The following MAP3K20 variants were observed in gnomAD, a reference collection of about 807,000 sequenced individuals.
MAP3K20 encodes mitogen-activated protein kinase kinase kinase 20.
A neutral mutation model predicts 85.7 loss-of-function variants in MAP3K20; 40 were observed. That is an observed-to-expected ratio of 0.47 (90% confidence interval 0.36 to 0.61). The LOEUF (loss-of-function observed/expected upper bound fraction) is 0.61, where lower values mean the gene tolerates loss of function less well. Ranked by LOEUF, MAP3K20 falls within the 20% of genes least tolerant of loss-of-function variation. The pLI is 0.00. For missense variants in MAP3K20, 817 were observed against 961.7 expected, an observed-to-expected ratio of 0.85 and a Z score of 1.99; for synonymous variants, 325 against 327.7, an observed-to-expected ratio of 0.99 and a Z score of 0.09.
Position 173,266,485 on chromosome 2 carries a change from A to G in MAP3K20, c.2138A>G (p.Lys713Arg). 1 of 1,614,164 alleles carries G rather than the reference A, an allele frequency of 6.2e-7. No individual in the cohort carries two copies. Among genetic ancestry groups the G allele is most frequent in the Non-Finnish European group, 8.5e-7 (1 of 1,180,026 alleles). The change falls in exon 20 of 20, where the codon AAG becomes AGG. Residue 713 changes from lysine (K) to arginine (R), a missense_variant. Transcript: ENST00000375213. ...STPSRGRYPG[K>R]FYRVSQSALN... Reference sequence around the variant, plus strand: ...CCTTCAAGAGGAAGATACCCTGGAAAGTTCTACAGGGTTTCTCAGTCAGCA... The same window carrying G: ...CCTTCAAGAGGAAGATACCCTGGAAGGTTCTACAGGGTTTCTCAGTCAGCA...
At chr2:173,228,933 T>C (rs1348785619) in intron 11 of MAP3K20, among the ~76,000 whole-genome samples, 1 of 152,244 alleles carries the variant, frequency 6.6e-6, no homozygotes, top group African/African-American at 2.4e-5. Context: ...TTAAAGCTAA[T>C]AGCTGTACCA....
intron 10 of MAP3K20, chr2:173,210,250 G>A (rs1683841596): frequency 5.7e-6 from 1 of 174,822 alleles, no homozygotes; most frequent in Non-Finnish European, 1.2e-5. Context: ...CTACTCAGGA[G>A]GCTGAGGCAG....
At chr2:173,218,518 G>C (rs953088944) in intron 11 of MAP3K20, among the ~76,000 whole-genome samples, 1 of 152,230 alleles carries the variant, frequency 6.6e-6, no homozygotes, top group Non-Finnish European at 1.5e-5. Flanking sequence ...CTGAGTGGCA[G>C]CAGGCAGCCT....
chr2:173,249,342 T>C (rs1185912849), intron 16 of MAP3K20, among the ~76,000 whole-genome samples: 1 of 152,180 alleles, frequency 6.6e-6, no homozygotes, highest in African/African-American at 2.4e-5. Flanking sequence ...TAATCAGCTA[T>C]AAAAGAGACA....
At chr2:173,256,510 TAGATAGATAGATAGATAGATAGAC>T (rs1477574019) in intron 16 of MAP3K20, among the ~76,000 whole-genome samples, 96 of 130,222 alleles carry the variant, frequency 7.4e-4, no homozygotes, top group Non-Finnish European at 3.6e-4. Flanking sequence ...GATAGATAGA[TAGATAGATAGATAGATAGATAGAC>T]AGACAGACAG....
intron 4 of MAP3K20, among the ~76,000 whole-genome samples, chr2:173,185,171 G>T (rs186326910): frequency 8.5e-5 from 13 of 152,272 alleles, no homozygotes; most frequent in Non-Finnish European, 1.6e-4. Flanking sequence ...AACCTGGGAG[G>T]CGGAGGTTGC....
At chr2:173,122,284 A>G (rs1422184085) in intron 2 of MAP3K20, among the ~76,000 whole-genome samples, 1 of 152,252 alleles carries the variant, frequency 6.6e-6, no homozygotes, top group African/African-American at 2.4e-5. Context: ...TAAGCTGTGG[A>G]CGTAGACTTT....
intron 11 of MAP3K20, chr2:173,226,625 T>C (rs903276190): frequency 2.0e-6 from 2 of 985,866 alleles, no homozygotes; most frequent in Non-Finnish European, 2.4e-6. Context: ...CACCTTTGTT[T>C]GCACTCTGTT....
chr2:173,082,622 T>C (rs1329565360), intron 1 of MAP3K20, among the ~76,000 whole-genome samples: 2 of 152,220 alleles, frequency 1.3e-5, no homozygotes, highest in Admixed American at 1.3e-4. Flanking sequence ...TGTTTACTCA[T>C]AGGCTACGGC....
chr2:173,168,258 C>CTA (rs1455764464), intron 2 of MAP3K20, among the ~76,000 whole-genome samples: 1 of 151,930 alleles, frequency 6.6e-6, no homozygotes, highest in Non-Finnish European at 1.5e-5. Context: ...AACACAGACC[C>CTA]CTCTATACAC....
At chr2:173,257,240 G>A (rs936157856) in intron 16 of MAP3K20, among the ~76,000 whole-genome samples, 4 of 152,120 alleles carry the variant, frequency 2.6e-5, no homozygotes, top group Non-Finnish European at 5.9e-5. Flanking sequence ...TATTCACTAA[G>A]TTTTGACCAA....
chr2:173,225,623 C>G (rs1439772547), intron 11 of MAP3K20: 2 of 983,128 alleles, frequency 2.0e-6, no homozygotes, highest in Non-Finnish European at 2.4e-6. Context: ...AAAAAACAAC[C>G]CGGTAGCATT....
upstream of MAP3K20, chr2:173,075,633 G>A (rs528998325): frequency 6.1e-5 from 37 of 609,604 alleles, no homozygotes; most frequent in Non-Finnish European, 7.0e-5. Flanking sequence ...GGGGGCGAGG[G>A]GGAACACCCC....
Position 173,075,932 on chromosome 2 carries a change from C to T in MAP3K20, c.-105C>T, listed in dbSNP as rs1215745956. 6 of 985,046 alleles carry T rather than the reference C, an allele frequency of 6.1e-6. No individual in the cohort carries two copies. The highest frequency in any genetic ancestry group is 4.8e-6 in the Non-Finnish European group (4 of 829,892). The allele number at this position is 985,046 out of a possible 1,614,324, so 61.0% of individuals were successfully genotyped here. ...GCCGCGCGGGCCGCTGTCGTCCCAA[C>T]CCCCGCCGCCCTCGTCGCGCGCGGG... On this transcript the variant is annotated 5_prime_UTR_variant, in exon 1 of 20. Coordinates refer to ENST00000375213, the MANE Select transcript of MAP3K20 (RefSeq NM_016653.3).
chr2:173,096,529 G>A (rs1221916081), intron 2 of MAP3K20, among the ~76,000 whole-genome samples: 5 of 152,012 alleles, frequency 3.3e-5, no homozygotes, highest in Non-Finnish European at 7.4e-5. Flanking sequence ...TAGTAGAAAC[G>A]GGGTTTCACC....
chr2:173,226,397 C>A (rs1462110689), intron 11 of MAP3K20: 1 of 985,264 alleles, frequency 1.0e-6, no homozygotes, highest in Non-Finnish European at 1.2e-6. Flanking sequence ...CATCATACCA[C>A]ATATATAACA....
At chr2:173,260,532 C>A (rs757077268) in intron 17 of MAP3K20, among the ~76,000 whole-genome samples, 1 of 150,544 alleles carries the variant, frequency 6.6e-6, no homozygotes, top group African/African-American at 2.4e-5. Flanking sequence ...ATCAAAGCTA[C>A]AGGCTTCCTC....
At chr2:173,232,666 G>A (rs763258502) in intron 14 of MAP3K20, among the ~76,000 whole-genome samples, 42 of 152,082 alleles carry the variant, frequency 2.8e-4, no homozygotes, top group Non-Finnish European at 6.2e-4. Context: ...ACCACACCCA[G>A]CTAATTTTTG....
chr2:173,196,792 T>C (rs1690856937), intron 7 of MAP3K20, among the ~76,000 whole-genome samples: 1 of 152,180 alleles, frequency 6.6e-6, no homozygotes, highest in Admixed American at 6.5e-5. Flanking sequence ...CTCTTCCTGC[T>C]TCTCCCAGGG....
Sources: gnomAD v4.1 joint callset for allele counts (sites outside exome capture counted in the v4.1 genomes callset) on GRCh38, gnomAD v4.1.1 for gene constraint, MANE v1.5 for transcripts, NCBI Gene and HGNC (gene_info 2026-07-23, HGNC 2026-07-21) for gene names.